Variants in NYAP2 observed in about 807,000 individuals in gnomAD.
NYAP2 encodes neuronal tyrosine-phosphorylated phosphoinositide-3-kinase adaptor 2.
Under a neutral mutation model 50.4 loss-of-function variants are expected in NYAP2, and 23 were observed. That is an observed-to-expected ratio of 0.46 (90% CI 0.33 to 0.65). The LOEUF (loss-of-function observed/expected upper bound fraction) is 0.65. Among genes scored for constraint, NYAP2 ranks in the 30% least tolerant of loss-of-function variants. The pLI, the probability that NYAP2 is intolerant of heterozygous loss-of-function variation, is 0.02. For missense variants in NYAP2, 885 were observed against 861.0 expected, an observed-to-expected ratio of 1.03 and a Z score of -0.35; for synonymous variants, 394 against 365.2, an observed-to-expected ratio of 1.08 and a Z score of -0.90.
At chr2:225,641,122 C>T (rs573620830) in intron 6 of NYAP2, among the ~76,000 whole-genome samples, 46 of 152,152 alleles carry the variant, frequency 3.0e-4, no homozygotes, top group African/African-American at 1.1e-3. Flanking sequence ...CACGGCAGGG[C>T]GGTGGTTCCA....
In NYAP2 at chr2:225,492,602, A is replaced by G. The variant is rs537140065; in HGVS notation, c.222-20769A>G. Among the ~76,000 whole-genome samples, 12 of 152,332 alleles carry G rather than the reference A, an allele frequency of 7.9e-5. No homozygotes were observed. The South Asian group carries it at 2.5e-3, about 32-fold the overall frequency. ...TACTGAAGTTGGGTAATTTATAAAG[A>G]AAAGTTTAATTGGCTCACAGTTCTG... is the stretch of plus-strand genomic sequence containing the variant. On this transcript the variant is annotated intron_variant, in intron 3 of 6. Coordinates refer to ENST00000636099, the Ensembl canonical transcript of NYAP2.
the NYAP2 span, among the ~76,000 whole-genome samples, chr2:225,690,273 TA>T: frequency 6.6e-6 from 1 of 152,094 alleles, no homozygotes; most frequent in East Asian, 1.9e-4. Context: ...TCATTAAAAA[TA>T]TTTTTTTTCT....
At chr2:225,535,962 C>A (rs939111953) in intron 4 of NYAP2, among the ~76,000 whole-genome samples, 2 of 152,140 alleles carry the variant, frequency 1.3e-5, no homozygotes, top group Non-Finnish European at 2.9e-5. Context: ...TATATAAACA[C>A]TCATTAAATG....
In NYAP2 at chr2:225,415,925, C is replaced by A. The variant is rs75036470; in HGVS notation, c.221+6824C>A. 1.8e-4 allele frequency among the ~76,000 whole-genome samples: 27 copies of A among 151,986 alleles called. No homozygotes were observed. In the East Asian group the frequency reaches 5.2e-3, roughly 29 times the overall value. The stretch of plus-strand genomic sequence containing the variant: ...CCATCCTCCTATCTAGAATTAAACT[C>A]AAATCTGCAGCATGTCAGGGTCTTG... On this transcript the variant is annotated intron_variant, in intron 3 of 6. Transcript: ENST00000636099.
At chr2:225,646,403 T>A (rs148118277) in intron 6 of NYAP2, among the ~76,000 whole-genome samples, 1 of 152,080 alleles carries the variant, frequency 6.6e-6, no homozygotes, top group Non-Finnish European at 1.5e-5. Context: ...AATACAAAAT[T>A]AGCCAGGCGT....
the NYAP2 span, among the ~76,000 whole-genome samples, chr2:225,688,685 A>G: frequency 6.6e-6 from 1 of 152,170 alleles, no homozygotes; most frequent in Non-Finnish European, 1.5e-5. Flanking sequence ...AAACCACATC[A>G]TCTTATCCAT....
At chr2:225,590,641 A>G (rs1168705465) in intron 5 of NYAP2, among the ~76,000 whole-genome samples, 2 of 152,206 alleles carry the variant, frequency 1.3e-5, no homozygotes, top group East Asian at 1.9e-4. Flanking sequence ...TAACAAGGTT[A>G]AAAGATAATT....
rs558343999 is a variant in NYAP2, at chr2:225,416,066, C to G, written c.221+6965C>G. On this transcript the variant is annotated intron_variant, in intron 3 of 6. Transcript: ENST00000636099. ...TGTGTTGATAACGGGTGAGATTAAA[C>G]AGCAGCCAGTATCTTAATAACCCTC... 5.9e-5 allele frequency among the ~76,000 whole-genome samples: 9 copies of G among 152,256 alleles called. No homozygotes were observed. In the East Asian group the frequency reaches 1.7e-3, roughly 29 times the overall value.
At chr2:225,572,768 C>T (rs961323040) in intron 4 of NYAP2, among the ~76,000 whole-genome samples, 1 of 152,196 alleles carries the variant, frequency 6.6e-6, no homozygotes, top group South Asian at 2.1e-4. Context: ...TCAGGCTCTA[C>T]TAGCATGCTG....
intron 3 of NYAP2, among the ~76,000 whole-genome samples, chr2:225,464,600 G>C (rs1689886578): frequency 6.6e-6 from 1 of 152,206 alleles, no homozygotes; most frequent in African/African-American, 2.4e-5. Context: ...GGGGCTTGTG[G>C]ATCCATGGTT....
chr2:225,434,418 T>A (rs1689334922), intron 3 of NYAP2, among the ~76,000 whole-genome samples: 2 of 152,146 alleles, frequency 1.3e-5, no homozygotes, highest in African/African-American at 2.4e-5. Context: ...GTTCTTAGAG[T>A]TTAGAAGTTT....
chr2:225,418,493 G>A (rs1296543079), intron 3 of NYAP2, among the ~76,000 whole-genome samples: 1 of 152,164 alleles, frequency 6.6e-6, no homozygotes, highest in Non-Finnish European at 1.5e-5. Context: ...GGTGAGATGT[G>A]CTGGAATCGT....
chr2:225,414,879 A>G (rs1205578957), intron 3 of NYAP2, among the ~76,000 whole-genome samples: 1 of 152,196 alleles, frequency 6.6e-6, no homozygotes, highest in Admixed American at 6.5e-5. Context: ...TTTAAAAACG[A>G]TATACGAAAC....
At chr2:225,632,681 C>A (rs1465405263) in intron 6 of NYAP2, among the ~76,000 whole-genome samples, 1 of 152,134 alleles carries the variant, frequency 6.6e-6, no homozygotes, top group Non-Finnish European at 1.5e-5. Flanking sequence ...TGCTCATGAA[C>A]ATAATAGGAA....
At chr2:225,620,069 T>A (rs567499621) in intron 5 of NYAP2, among the ~76,000 whole-genome samples, 55 of 152,274 alleles carry the variant, frequency 3.6e-4, no homozygotes, top group African/African-American at 1.2e-3. Context: ...AGATTCCACA[T>A]AAAGCTTTAC....
At chr2:225,430,007 C>T (rs756670219) in intron 3 of NYAP2, among the ~76,000 whole-genome samples, 10 of 152,158 alleles carry the variant, frequency 6.6e-5, no homozygotes, top group Non-Finnish European at 1.2e-4. Flanking sequence ...AATGTGTCAG[C>T]GTAAACTGAT....
At chr2:225,567,164 A>G (rs1181571143) in intron 4 of NYAP2, among the ~76,000 whole-genome samples, 2 of 152,146 alleles carry the variant, frequency 1.3e-5, no homozygotes, top group Non-Finnish European at 2.9e-5. Flanking sequence ...TGGTAACACA[A>G]TGGTAAGTAT....
the NYAP2 span, among the ~76,000 whole-genome samples, chr2:225,660,744 G>T: frequency 3.9e-5 from 6 of 152,104 alleles, no homozygotes; most frequent in African/African-American, 1.4e-4. Context: ...TGCGTTGTTT[G>T]GGATAATAAG....
At chr2:225,556,016 T>C (rs999223025) in intron 4 of NYAP2, among the ~76,000 whole-genome samples, 2 of 152,224 alleles carry the variant, frequency 1.3e-5, no homozygotes, top group South Asian at 2.1e-4. Flanking sequence ...AATTGACTTA[T>C]GTATTATGGT....
Sources: gnomAD v4.1 joint callset for allele counts (sites outside exome capture counted in the v4.1 genomes callset) on GRCh38, gnomAD v4.1.1 for gene constraint, MANE v1.5 for transcripts, NCBI Gene and HGNC (gene_info 2026-07-23, HGNC 2026-07-21) for gene names.